GPR149: variants seen among roughly 807,000 people sequenced by gnomAD.
The protein encoded by GPR149 is probable G protein-coupled receptor 149.
GPR149 carries 50 observed loss-of-function variants against 50.2 expected under a neutral mutation model. That is an observed-to-expected ratio of 1.00 (90% CI 0.79 to 1.26). GPR149 has a LOEUF of 1.26. Among genes scored for constraint, GPR149 ranks in the 50% most tolerant of loss-of-function variants. GPR149 has a pLI of 0.00. For missense variants in GPR149, 983 were observed against 895.4 expected, an observed-to-expected ratio of 1.10 and a Z score of -1.25; for synonymous variants, 405 against 358.2, an observed-to-expected ratio of 1.13 and a Z score of -1.48.
chr3:154,396,705 A>T (rs1169860307), intron 3 of GPR149, among the ~76,000 whole-genome samples: 3 of 152,050 alleles, frequency 2.0e-5, no homozygotes, highest in African/African-American at 7.2e-5. Context: ...ATCAGACTTT[A>T]TTATGTATGT....
intron 2 of GPR149, among the ~76,000 whole-genome samples, chr3:154,423,869 T>G (rs1404780644): frequency 6.6e-6 from 1 of 151,730 alleles, no homozygotes; most frequent in African/African-American, 2.4e-5. Flanking sequence ...ATTATTATAC[T>G]TTAAGTTCTA....
chr3:154,416,832 C>T (rs1368357026), intron 3 of GPR149, among the ~76,000 whole-genome samples: 1 of 151,836 alleles, frequency 6.6e-6, no homozygotes, highest in African/African-American at 2.4e-5. Context: ...TTTTAAAACA[C>T]CCTACTGGCA....
rs757152988 is a variant in GPR149 at position 154,337,689 on chromosome 3, C to A, written c.*10G>T. ...AGATCCATTCTTGCTCCTGTTAGACCAAATACCCACTAACTACCCTTGCTT... is the reference window on the plus strand; with the variant it reads ...AGATCCATTCTTGCTCCTGTTAGACAAAATACCCACTAACTACCCTTGCTT... On this transcript the variant is annotated 3_prime_UTR_variant, in exon 4 of 4. Coordinates refer to ENST00000389740, the MANE Select transcript of GPR149 (RefSeq NM_001038705.3). 1.2e-5 allele frequency: 19 copies of A among 1,571,990 alleles called. No individual in the cohort carries two copies. Among genetic ancestry groups the A allele is most frequent in the Non-Finnish European group, 1.6e-5 (18 of 1,159,108 alleles).
At chr3:154,353,302 A>G in intron 3 of GPR149, 1 of 1,425,348 alleles carries the variant, frequency 7.0e-7, no homozygotes, top group South Asian at 1.1e-5. Context: ...ACCTGTTCAT[A>G]TCTGGATTTC....
chr3:154,394,294 A>C (rs1715238357), intron 3 of GPR149, among the ~76,000 whole-genome samples: 1 of 152,086 alleles, frequency 6.6e-6, no homozygotes, highest in Non-Finnish European at 1.5e-5. Context: ...TAAGAAGGGC[A>C]CCAAGAATAA....
At chr3:154,373,436 G>A (rs551347413) in intron 3 of GPR149, among the ~76,000 whole-genome samples, 8 of 152,268 alleles carry the variant, frequency 5.3e-5, no homozygotes, top group East Asian at 1.9e-4. Context: ...AATTTACATC[G>A]AAAAGCACTT....
At chr3:154,380,460 C>A (rs370818786) in intron 3 of GPR149, among the ~76,000 whole-genome samples, 1 of 152,124 alleles carries the variant, frequency 6.6e-6, no homozygotes, top group Non-Finnish European at 1.5e-5. Flanking sequence ...ATAAAGTTAA[C>A]GAGAAAGGCA....
intron 1 of GPR149, 50 bp from the exon 2 acceptor site, chr3:154,427,758 T>A (rs1390037912): frequency 1.3e-6 from 2 of 1,516,900 alleles, no homozygotes; most frequent in Non-Finnish European, 1.8e-6. Flanking sequence ...TACTTTGTAC[T>A]TCTCAAGCCT....
At position 154,352,076 on chromosome 3, in the gene GPR149, T is replaced by C. The variant is rs1015802294; in HGVS notation, c.1624-13805A>G. On this transcript the variant is annotated intron_variant, in intron 3 of 3. Coordinates refer to ENST00000389740, the MANE Select transcript of GPR149 (RefSeq NM_001038705.3). ...CTATCATGAGCTAATTTTTGGTGGA[T>C]AATATACATAATTAGGCACAAATAG... 5.9e-6 allele frequency: 3 copies of C among 509,860 alleles called. No homozygotes were observed. In the African/African-American group the frequency reaches 5.9e-5, roughly 10 times the overall value. 31.6% of individuals were successfully genotyped at this position (509,860 alleles called of 1,614,324 possible).
chr3:154,427,927 C>G (rs1036108391), intron 1 of GPR149, among the ~76,000 whole-genome samples: 2 of 152,096 alleles, frequency 1.3e-5, no homozygotes, highest in Non-Finnish European at 2.9e-5. Flanking sequence ...TTTTGAGTGC[C>G]GGATCTGCGC....
chr3:154,391,470 G>A (rs1198482156), intron 3 of GPR149, among the ~76,000 whole-genome samples: 1 of 151,314 alleles, frequency 6.6e-6, no homozygotes, highest in Non-Finnish European at 1.5e-5. Flanking sequence ...AAAAGAGAAG[G>A]AAATCAAAGT....
Position 154,337,806 on chromosome 3 carries a change from T to G in GPR149, c.2089A>C (p.Arg697=). 6.2e-7 allele frequency: 1 copy of G among 1,614,130 alleles called. No homozygotes were observed. The change falls in exon 4 of 4, where the codon AGG becomes CGG. Residue 697 remains arginine, a synonymous_variant. Coordinates refer to ENST00000389740, the MANE Select transcript of GPR149 (RefSeq NM_001038705.3). The part of the protein sequence containing the change: ...ISIPDTVEAH[R]QNSKRQHQER... ...TGATGCTGCCTTTTACTGTTCTGCC[T>G]GTGTGCTTCTACTGTGTCTGGAATG...
In GPR149 at chr3:154,385,979, G is replaced by T. The variant is rs191430791; in HGVS notation, c.1623+35060C>A. On this transcript the variant is annotated intron_variant, in intron 3 of 3. Coordinates refer to ENST00000389740, the MANE Select transcript of GPR149 (RefSeq NM_001038705.3). ...GCCTCCCAAAGTGCTGGGATTACAG[G>T]CATGACACAAATTTCTATAACTCTC... Among the ~76,000 whole-genome samples the T allele has an allele frequency of 6.6e-5, 10 of 152,250 alleles. No individual in the cohort carries two copies. In the East Asian group the frequency reaches 1.9e-3, roughly 29 times the overall value.
In GPR149 at chr3:154,428,656, G is replaced by A; in HGVS notation, c.960C>T (p.Val320=). The A allele has an allele frequency of 6.2e-7, 1 of 1,612,982 alleles. No homozygotes were observed. The highest frequency in any genetic ancestry group is 8.5e-7 in the Non-Finnish European group (1 of 1,179,552). Residue 320 remains valine, a synonymous_variant, in exon 1 of 4, where the codon GTC becomes GTT. Transcript: ENST00000389740. ...RFALILALTK[V]VLWLPMMMHM... is the part of the protein sequence containing the mutation. The stretch of plus-strand genomic sequence containing the variant: ...TTACCATCATGGGCAGCCAAAGGAC[G>A]ACTTTTGTAAGCGCTAGGATCAAAG...
At chr3:154,343,576 G>T (rs1375205391) in intron 3 of GPR149, among the ~76,000 whole-genome samples, 1 of 152,062 alleles carries the variant, frequency 6.6e-6, no homozygotes, top group Non-Finnish European at 1.5e-5. Flanking sequence ...GAGACAAGTT[G>T]GGTAGAGGGC....
At chr3:154,398,325 C>T (rs1475410187) in intron 3 of GPR149, among the ~76,000 whole-genome samples, 2 of 152,152 alleles carry the variant, frequency 1.3e-5, no homozygotes, top group African/African-American at 4.8e-5. Flanking sequence ...TCTTGTGGTC[C>T]AGGCTTTCTT....
intron 3 of GPR149, among the ~76,000 whole-genome samples, chr3:154,407,693 T>TACACACACACACACACACACACACAC (rs1175398541): frequency 5.9e-4 from 83 of 140,038 alleles, no homozygotes; most frequent in East Asian, 4.6e-3. Flanking sequence ...GTCATGTGTA[T>TACACACACACACACACACACACACAC]ACACACACAC....
intron 3 of GPR149, among the ~76,000 whole-genome samples, chr3:154,371,310 A>T (rs892467932): frequency 1.3e-5 from 2 of 152,152 alleles, no homozygotes; most frequent in African/African-American, 4.8e-5. Context: ...CAGCCTATTG[A>T]TGCCTAAATG....
rs1316868046 is a variant in GPR149 at position 154,336,690 on chromosome 3, A to C, written c.*1009T>G. On this transcript the variant is annotated 3_prime_UTR_variant, in exon 4 of 4. Transcript: ENST00000389740. ...TGAGACAACACGTCTTTAGAGAAGAAACAAAAAAGCAGCTAAACTTGATAT... is the reference window on the plus strand; with the variant it reads ...TGAGACAACACGTCTTTAGAGAAGACACAAAAAAGCAGCTAAACTTGATAT... 1 of 152,128 alleles carries C rather than the reference A, an allele frequency of 6.6e-6. No homozygotes were observed. Among genetic ancestry groups the C allele is most frequent in the African/African-American group, 2.4e-5 (1 of 41,450 alleles). 9.4% of individuals were successfully genotyped at this position (152,128 alleles called of 1,614,324 possible).
Sources: allele counts gnomAD v4.1 joint callset (sites outside exome capture counted in the v4.1 genomes callset), GRCh38; gene constraint gnomAD v4.1.1; transcripts MANE v1.5; gene names NCBI Gene and HGNC (gene_info 2026-07-23, HGNC 2026-07-21).